Variants in MCUB observed in about 807,000 individuals in gnomAD.
The protein encoded by MCUB is calcium uniporter regulatory subunit MCUb, mitochondrial.
In MCUB, 46 loss-of-function variants were observed where a neutral mutation model predicts 41.4. The observed-to-expected ratio is 1.11, with a 90% CI of 0.88 to 1.42. MCUB has a LOEUF of 1.42. Among genes scored for constraint, MCUB ranks in the 40% most tolerant of loss-of-function variants. MCUB has a pLI of 0.00. For synonymous variants in MCUB, 148 were observed against 148.2 expected (o/e 1.00, Z 0.01); for missense variants, 403 against 404.9 (o/e 1.00, Z 0.04).
chr4:109,640,766 A>C (rs1728696547), intron 1 of MCUB, among the ~76,000 whole-genome samples: 1 of 152,228 alleles, frequency 6.6e-6, no homozygotes, highest in Non-Finnish European at 1.5e-5. Flanking sequence ...CCATATCAGC[A>C]ATAAGGCTAT....
intron 1 of MCUB, among the ~76,000 whole-genome samples, chr4:109,581,981 G>A (rs1161550540): frequency 6.6e-6 from 1 of 152,194 alleles, no homozygotes; most frequent in Non-Finnish European, 1.5e-5. Flanking sequence ...CGATTCCTCA[G>A]GGATCTAGAA....
At chr4:109,603,428 G>A (rs761535079) in intron 1 of MCUB, among the ~76,000 whole-genome samples, 4 of 152,276 alleles carry the variant, frequency 2.6e-5, no homozygotes, top group South Asian at 2.1e-4. Flanking sequence ...GTGCAGTGGC[G>A]TGATCTAGGC....
At chr4:109,667,218 T>C (rs1404710706) in intron 4 of MCUB, among the ~76,000 whole-genome samples, 1 of 152,142 alleles carries the variant, frequency 6.6e-6, no homozygotes, top group Non-Finnish European at 1.5e-5. Context: ...CATCTGGACC[T>C]GGTGCTTTCT....
chr4:109,587,649 T>G (rs1245601991), intron 1 of MCUB, among the ~76,000 whole-genome samples: 2 of 152,192 alleles, frequency 1.3e-5, no homozygotes, highest in Non-Finnish European at 2.9e-5. Context: ...GAAACAAGTT[T>G]ATAGGAAATC....
chr4:109,592,043 G>A (rs933539993), intron 1 of MCUB, among the ~76,000 whole-genome samples: 9 of 152,144 alleles, frequency 5.9e-5, no homozygotes, highest in African/African-American at 2.2e-4. Context: ...GTTCTTTTGA[G>A]GTTTCTCTTT....
intron 4 of MCUB, among the ~76,000 whole-genome samples, chr4:109,677,054 C>G (rs1279463692): frequency 1.3e-5 from 2 of 152,232 alleles, no homozygotes; most frequent in African/African-American, 4.8e-5. Flanking sequence ...GCCATGGGGG[C>G]AGGACTGCCC....
At chr4:109,683,887 A>G (rs951995993) in intron 5 of MCUB, among the ~76,000 whole-genome samples, 13 of 152,146 alleles carry the variant, frequency 8.5e-5, no homozygotes, top group Non-Finnish European at 1.3e-4. Flanking sequence ...TCAATTGTAT[A>G]CTTTACTATT....
intron 1 of MCUB, among the ~76,000 whole-genome samples, chr4:109,647,015 T>G (rs2126141671): frequency 6.6e-6 from 1 of 152,310 alleles, no homozygotes; most frequent in South Asian, 2.1e-4. Context: ...CTCCCCACTG[T>G]TTTTTAATAG....
chr4:109,595,004 G>A (rs1242451903), intron 1 of MCUB, among the ~76,000 whole-genome samples: 1 of 151,638 alleles, frequency 6.6e-6, no homozygotes, highest in Non-Finnish European at 1.5e-5. Flanking sequence ...TCTTTTTCAG[G>A]TTTCATTTCT....
chr4:109,654,583 C>G (rs1228244867), intron 1 of MCUB, among the ~76,000 whole-genome samples: 1 of 151,776 alleles, frequency 6.6e-6, no homozygotes, highest in East Asian at 1.9e-4. Context: ...TGCACTCCAG[C>G]CTGGGCGACA....
At chr4:109,638,434 A>G (rs1015740855) in intron 1 of MCUB, among the ~76,000 whole-genome samples, 1 of 151,072 alleles carries the variant, frequency 6.6e-6, no homozygotes, top group Non-Finnish European at 1.5e-5. Context: ...AAAAAACCAT[A>G]CATTAAGATA....
chr4:109,611,896 A>G (rs921151731), intron 1 of MCUB, among the ~76,000 whole-genome samples: 2 of 152,258 alleles, frequency 1.3e-5, no homozygotes, highest in Admixed American at 6.5e-5. Flanking sequence ...GCATTGATCA[A>G]GTGATTAAAA....
intron 7 of MCUB, among the ~76,000 whole-genome samples, chr4:109,686,436 G>C (rs1729838264): frequency 6.6e-6 from 1 of 152,142 alleles, no homozygotes. Flanking sequence ...ACCATGTCCA[G>C]CCAAGCCTTT....
chr4:109,564,465 A>G (rs1194623390), intron 1 of MCUB, among the ~76,000 whole-genome samples: 1 of 152,160 alleles, frequency 6.6e-6, no homozygotes, highest in Non-Finnish European at 1.5e-5. Context: ...GTCTAGCCCC[A>G]TATCTTGCCT....
At chr4:109,580,530 T>C (rs555909664) in intron 1 of MCUB, among the ~76,000 whole-genome samples, 9 of 152,294 alleles carry the variant, frequency 5.9e-5, no homozygotes, top group Admixed American at 5.2e-4. Flanking sequence ...TCCACATCCT[T>C]TCCAGCATCT....
rs1213283798 is a variant in MCUB at position 109,682,701 on chromosome 4, A to G, written c.571A>G (p.Lys191Glu). The G allele has an allele frequency of 3.7e-6, 6 of 1,613,740 alleles. No individual in the cohort carries two copies. In the Admixed American group the frequency reaches 8.3e-5, roughly 22 times the overall value. ...QKKREHHLLE[K>E]IDHLKEQLQP... ...AAAGAGAGAGCACCATTTACTGGAG[A>G]AAATTGACCACCTGAAGGAACAGCT... is the stretch of plus-strand genomic sequence containing the variant. The change falls in exon 5 of 8, where the codon AAA becomes GAA. Residue 191 changes from lysine to glutamate, a missense_variant. Lys to Glu is a moderately conservative substitution (Grantham distance 56). Coordinates refer to ENST00000394650, the MANE Select transcript of MCUB (RefSeq NM_017918.5).
intron 1 of MCUB, among the ~76,000 whole-genome samples, chr4:109,611,670 A>C (rs1353620163): frequency 6.6e-6 from 1 of 152,218 alleles, no homozygotes; most frequent in Non-Finnish European, 1.5e-5. Context: ...ACCAAACCTC[A>C]CAGTAGTTCA....
At position 109,688,576 on chromosome 4, in the gene MCUB, T is replaced by C. The variant is rs774663571; in HGVS notation, c.*984T>C. Reference sequence around the variant, plus strand: ...TTTAAATGACCGAGTAAAAAACATCTATCAATTACACAAATGAACAAGAAT... The same window carrying C: ...TTTAAATGACCGAGTAAAAAACATCCATCAATTACACAAATGAACAAGAAT... On this transcript the variant is annotated 3_prime_UTR_variant, in exon 8 of 8. Transcript: ENST00000394650. 26 of 152,286 alleles carry C rather than the reference T, an allele frequency of 1.7e-4. No homozygotes were observed. Among genetic ancestry groups the C allele is most frequent in the Admixed American group, 4.6e-4 (7 of 15,294 alleles). 9.4% of individuals were successfully genotyped at this position (152,286 alleles called of 1,614,324 possible). A position where few individuals can be genotyped will look rare whatever the true frequency, so the allele number is the denominator to read the frequency against.
At chr4:109,598,376 C>G (rs1482376626) in intron 1 of MCUB, among the ~76,000 whole-genome samples, 2 of 152,128 alleles carry the variant, frequency 1.3e-5, no homozygotes, top group Non-Finnish European at 2.9e-5. Context: ...GCGGATCACT[C>G]GCGGTTAGGA....
Sources: allele counts gnomAD v4.1 joint callset (sites outside exome capture counted in the v4.1 genomes callset), GRCh38; gene constraint gnomAD v4.1.1; transcripts MANE v1.5; gene names NCBI Gene and HGNC (gene_info 2026-07-23, HGNC 2026-07-21).